GLG1: variants seen among roughly 807,000 people sequenced by gnomAD.
The protein encoded by GLG1 is golgi glycoprotein 1.
Under a neutral mutation model 160.5 loss-of-function variants are expected in GLG1, and 38 were observed. The ratio of observed to expected loss-of-function variants is 0.24; its 90% CI spans 0.18 to 0.31. The LOEUF is 0.31. Ranked by LOEUF, GLG1 falls within the 10% of genes least tolerant of loss-of-function variation. GLG1 has a pLI of 1.00. For synonymous variants in GLG1, 644 were observed against 543.4 expected, an observed-to-expected ratio of 1.19 and a Z score of -2.57; for missense variants, 1,373 against 1,505.2, an observed-to-expected ratio of 0.91 and a Z score of 1.45.
chr16:74,507,553 T>C (rs1265471085), intron 3 of GLG1, among the ~76,000 whole-genome samples: 3 of 152,100 alleles, frequency 2.0e-5, no homozygotes, highest in African/African-American at 7.2e-5. Flanking sequence ...CTGGCCAACA[T>C]GGCAAAACCC....
At chr16:74,544,382 C>T (rs1370991065) in intron 1 of GLG1, among the ~76,000 whole-genome samples, 1 of 152,194 alleles carries the variant, frequency 6.6e-6, no homozygotes, top group Non-Finnish European at 1.5e-5. Context: ...GGCACAATCT[C>T]GGCTCACCAC....
intron 1 of GLG1, among the ~76,000 whole-genome samples, chr16:74,564,808 A>T (rs1454270268): frequency 1.3e-5 from 2 of 152,226 alleles, no homozygotes; most frequent in African/African-American, 4.8e-5. Flanking sequence ...CATCAAATTG[A>T]AACTTTAAGG....
At chr16:74,563,301 T>A (rs940289755) in intron 1 of GLG1, 1 of 152,210 alleles carries the variant, frequency 6.6e-6, no homozygotes, top group Non-Finnish European at 1.5e-5. Flanking sequence ...AAGAGAACAC[T>A]GGTCCACTCC....
chr16:74,579,374 C>G (rs1412068478), intron 1 of GLG1, among the ~76,000 whole-genome samples: 1 of 151,740 alleles, frequency 6.6e-6, no homozygotes, highest in Non-Finnish European at 1.5e-5. Context: ...CGTGATTGTG[C>G]CAGTGCACTC....
At chr16:74,536,343 C>G (rs1315491545) in intron 1 of GLG1, among the ~76,000 whole-genome samples, 1 of 151,926 alleles carries the variant, frequency 6.6e-6, no homozygotes, top group Non-Finnish European at 1.5e-5. Context: ...TTTTTTCTTC[C>G]TCTTTGGTAA....
rs76214241 is a variant in GLG1 at position 74,465,908 on chromosome 16, T to C, written c.2530-95A>G. 2,356 of 1,030,620 alleles carry C rather than the reference T, an allele frequency of 2.3e-3. 37 individuals are homozygous for C. In the African/African-American group the frequency reaches 0.031, roughly 14 times the overall value. The allele number at this position is 1,030,620 out of a possible 1,614,324, so 63.8% of individuals were successfully genotyped here. A position where few individuals can be genotyped will look rare whatever the true frequency, so the allele number is the denominator to read the frequency against. On this transcript the variant is annotated intron_variant, in intron 18 of 25. Transcript: ENST00000422840. ...CATTCAGCTCCACTGTGCCTCCCAT[T>C]TCTTTATCCATTTCTCATTCCCAGG...
chr16:74,472,463 G>T, intron 13 of GLG1, 52 bp from the exon 14 acceptor site: 1 of 1,418,426 alleles, frequency 7.1e-7, no homozygotes. Flanking sequence ...AGCCAGGGTG[G>T]AGGAGGAGCA....
In GLG1 at chr16:74,451,292, A is replaced by G. The variant is rs1339008075; in HGVS notation, c.*1875T>C. The G allele has an allele frequency of 6.6e-6, 1 of 152,236 alleles. No homozygotes were observed. The highest frequency in any genetic ancestry group is 6.5e-5 in the Admixed American group (1 of 15,284). 9.4% of individuals were successfully genotyped at this position (152,236 alleles called of 1,614,324 possible). ...CAATCAGGAAGACCCTACAAGCAGGACCGAGGGGACTAAGCAGCTTAGCAG... is the reference window on the plus strand; with the variant it reads ...CAATCAGGAAGACCCTACAAGCAGGGCCGAGGGGACTAAGCAGCTTAGCAG... On this transcript the variant is annotated 3_prime_UTR_variant, in exon 26 of 26. Transcript: ENST00000422840.
chr16:74,467,989 A>C (rs2143222303), intron 17 of GLG1, 141 bp from the exon 18 acceptor site: 1 of 584,788 alleles, frequency 1.7e-6, no homozygotes, highest in Non-Finnish European at 3.0e-6. Flanking sequence ...CAAGAGAATC[A>C]GGCTTTACTT....
At chr16:74,598,408 C>A in intron 1 of GLG1, among the ~76,000 whole-genome samples, 1 of 151,550 alleles carries the variant, frequency 6.6e-6, no homozygotes, top group Admixed American at 6.6e-5. Context: ...GTAGTCCCAG[C>A]TACTCGGGAG....
intron 25 of GLG1, among the ~76,000 whole-genome samples, chr16:74,455,047 A>G (rs4888239): frequency 0.99 from 150,969 of 152,212 alleles, 74,885 homozygotes; most frequent in South Asian, 1. Context: ...AGCCATGTTC[A>G]CACCACTGCA....
At chr16:74,576,756 G>C (rs764468856) in intron 1 of GLG1, among the ~76,000 whole-genome samples, 24 of 152,100 alleles carry the variant, frequency 1.6e-4, no homozygotes, top group Non-Finnish European at 3.2e-4. Flanking sequence ...AAAAAATAAT[G>C]AAGCCTGCTG....
intron 1 of GLG1, chr16:74,552,230 C>A (rs1338654328): frequency 1.7e-5 from 9 of 539,586 alleles, no homozygotes; most frequent in Non-Finnish European, 2.9e-5. Context: ...AGCCCCGGAC[C>A]TGGGCCCTGC....
chr16:74,595,695 G>A (rs1958282903), intron 1 of GLG1, among the ~76,000 whole-genome samples: 1 of 152,088 alleles, frequency 6.6e-6, no homozygotes, highest in Admixed American at 6.6e-5. Flanking sequence ...CTAGATCAGT[G>A]CTATTCATAA....
intron 12 of GLG1, among the ~76,000 whole-genome samples, chr16:74,476,131 G>A (rs770186355): frequency 6.6e-6 from 1 of 151,884 alleles, no homozygotes; most frequent in Non-Finnish European, 1.5e-5. Flanking sequence ...GCAGTGAGCC[G>A]AGATCGTGCC....
chr16:74,542,748 A>AGGAAGGAAG (rs1555514627), intron 1 of GLG1, among the ~76,000 whole-genome samples: 324 of 23,302 alleles, frequency 0.014, 23 homozygotes, highest in Non-Finnish European at 0.027. Context: ...GAAGGAAGGA[A>AGGAAGGAAG]GGAAGGAAGG....
intron 1 of GLG1, among the ~76,000 whole-genome samples, chr16:74,547,755 A>C (rs528750132): frequency 6.6e-6 from 1 of 152,286 alleles, no homozygotes; most frequent in Non-Finnish European, 1.5e-5. Context: ...TGATAGCATA[A>C]TCACCAACTC....
chr16:74,601,381 A>T (rs139754068), intron 1 of GLG1, among the ~76,000 whole-genome samples: 4,308 of 151,834 alleles, frequency 0.028, 80 homozygotes, highest in Middle Eastern at 0.088. Context: ...GGAGTTAGAG[A>T]CCAACCTGGG....
Position 74,452,082 on chromosome 16 carries a change from G to C in GLG1, c.*1085C>G, listed in dbSNP as rs2014332016. Reference sequence around the variant, plus strand: ...CAGGCTGGACTGCCTGTCACATCCTGAGACCACACTAAACCTTTATAAGCC... The same window carrying C: ...CAGGCTGGACTGCCTGTCACATCCTCAGACCACACTAAACCTTTATAAGCC... On this transcript the variant is annotated 3_prime_UTR_variant, in exon 26 of 26. Coordinates refer to ENST00000422840, the MANE Select transcript of GLG1 (RefSeq NM_001145667.2). The C allele has an allele frequency of 1.2e-6, 2 of 1,613,918 alleles. No individual in the cohort carries two copies. The highest frequency in any genetic ancestry group is 4.5e-5 in the East Asian group (2 of 44,880).
Sources: gnomAD v4.1 joint callset for allele counts (sites outside exome capture counted in the v4.1 genomes callset) on GRCh38, gnomAD v4.1.1 for gene constraint, MANE v1.5 for transcripts, NCBI Gene and HGNC (gene_info 2026-07-23, HGNC 2026-07-21) for gene names.